The following DCC variants were observed in gnomAD, a reference collection of about 807,000 sequenced individuals.
DCC encodes netrin receptor DCC.
A neutral mutation model predicts 172.5 loss-of-function variants in DCC; 58 were observed. The observed-to-expected ratio is 0.34, with a 90% CI of 0.27 to 0.42. The LOEUF (loss-of-function observed/expected upper bound fraction) is 0.42. Ranked by LOEUF, DCC falls within the 10% of genes least tolerant of loss-of-function variation. The pLI is 1.00. For missense variants in DCC, 1,740 were observed against 1,791.0 expected, an observed-to-expected ratio of 0.97 and a Z score of 0.51; for synonymous variants, 709 against 644.5, an observed-to-expected ratio of 1.10 and a Z score of -1.52.
chr18:52,522,580 T>G (rs918008408), intron 1 of DCC, among the ~76,000 whole-genome samples: 1 of 152,216 alleles, frequency 6.6e-6, no homozygotes, highest in Non-Finnish European at 1.5e-5. Context: ...AGTATCCTAT[T>G]TTTATTTGCC....
chr18:53,489,206 G>C (rs1332814019), intron 26 of DCC, among the ~76,000 whole-genome samples: 1 of 151,990 alleles, frequency 6.6e-6, no homozygotes, highest in Non-Finnish European at 1.5e-5. Flanking sequence ...AAATGAAAAG[G>C]CATTGGATGT....
At chr18:53,381,321 A>G (rs1012577054) in intron 15 of DCC, among the ~76,000 whole-genome samples, 1 of 152,052 alleles carries the variant, frequency 6.6e-6, no homozygotes, top group African/African-American at 2.4e-5. Context: ...TTTTCTATGG[A>G]GCTATAAATT....
At chr18:52,888,010 G>C (rs1332661918) in intron 2 of DCC, among the ~76,000 whole-genome samples, 1 of 152,152 alleles carries the variant, frequency 6.6e-6, no homozygotes. Context: ...AGTAAAATTA[G>C]CCTTTATCAC....
At chr18:52,840,689 A>C (rs2038788431) in intron 2 of DCC, among the ~76,000 whole-genome samples, 1 of 152,188 alleles carries the variant, frequency 6.6e-6, no homozygotes, top group Non-Finnish European at 1.5e-5. Context: ...AATGACTAAA[A>C]ATCTGGCTAT....
intron 27 of DCC, among the ~76,000 whole-genome samples, chr18:53,512,103 A>G (rs1012196993): frequency 6.6e-6 from 1 of 152,122 alleles, no homozygotes; most frequent in African/African-American, 2.4e-5. Context: ...CCCAGCACGC[A>G]GCTGGAGATC....
chr18:52,625,433 A>G (rs146836715), intron 1 of DCC, among the ~76,000 whole-genome samples: 3 of 152,294 alleles, frequency 2.0e-5, no homozygotes, highest in Non-Finnish European at 4.4e-5. Context: ...TTCTGTTACA[A>G]GGAGACATGT....
chr18:53,120,996 G>C (rs149212127), intron 7 of DCC, among the ~76,000 whole-genome samples: 1 of 151,880 alleles, frequency 6.6e-6, no homozygotes, highest in East Asian at 1.9e-4. Context: ...AAGAATTAAG[G>C]GGGAAAATAC....
chr18:52,773,400 T>G (rs1383578922), intron 2 of DCC, among the ~76,000 whole-genome samples: 2 of 152,236 alleles, frequency 1.3e-5, no homozygotes, highest in African/African-American at 2.4e-5. Flanking sequence ...TTCAAGATGA[T>G]GTATTCACCA....
chr18:53,101,310 T>C (rs9950661), intron 7 of DCC, among the ~76,000 whole-genome samples: 78,438 of 151,676 alleles, frequency 0.52, 20,896 homozygotes, highest in African/African-American at 0.59. Context: ...AAAGTTGTGA[T>C]GTTAGCAAGT....
intron 1 of DCC, among the ~76,000 whole-genome samples, chr18:52,515,018 C>G (rs1187793511): frequency 6.6e-6 from 1 of 152,140 alleles, no homozygotes; most frequent in Non-Finnish European, 1.5e-5. Context: ...TAAATAAAAA[C>G]TACAGTTCAA....
chr18:52,408,127 CA>C (rs1026312969), intron 1 of DCC, among the ~76,000 whole-genome samples: 5 of 151,968 alleles, frequency 3.3e-5, no homozygotes, highest in Admixed American at 6.6e-5. Context: ...ATGAAAAGTC[CA>C]AAAACTTCTT....
intron 5 of DCC, among the ~76,000 whole-genome samples, chr18:53,010,166 A>G (rs1011757716): frequency 3.9e-5 from 6 of 151,906 alleles, no homozygotes; most frequent in African/African-American, 1.2e-4. Flanking sequence ...GTTTGTGTAA[A>G]TCTTCTGAAG....
At chr18:52,878,707 A>G (rs1181613421) in intron 2 of DCC, among the ~76,000 whole-genome samples, 1 of 152,194 alleles carries the variant, frequency 6.6e-6, no homozygotes, top group Non-Finnish European at 1.5e-5. Context: ...TATAATTTTT[A>G]CTAGGACGGG....
At chr18:53,289,253 G>A (rs1302323460) in intron 12 of DCC, among the ~76,000 whole-genome samples, 2 of 152,052 alleles carry the variant, frequency 1.3e-5, no homozygotes, top group Non-Finnish European at 2.9e-5. Context: ...CTATACCATC[G>A]TAACTGAAAA....
At chr18:53,085,751 T>C (rs936740573) in intron 7 of DCC, among the ~76,000 whole-genome samples, 1 of 151,866 alleles carries the variant, frequency 6.6e-6, no homozygotes, top group African/African-American at 2.4e-5. Context: ...AACTACACTT[T>C]TGTGATGCTG....
chr18:53,372,392 G>A (rs993514578), intron 15 of DCC, among the ~76,000 whole-genome samples: 3 of 152,036 alleles, frequency 2.0e-5, no homozygotes, highest in African/African-American at 7.2e-5. Context: ...TCACTTATAA[G>A]TGTTTGCTAA....
At chr18:52,815,035 A>G (rs1166162223) in intron 2 of DCC, among the ~76,000 whole-genome samples, 13 of 152,210 alleles carry the variant, frequency 8.5e-5, no homozygotes, top group African/African-American at 2.9e-4. Context: ...AAAGTGGGCA[A>G]CAAGAAAAAA....
chr18:53,232,807 C>T (rs1033320180), intron 12 of DCC, among the ~76,000 whole-genome samples: 1 of 152,152 alleles, frequency 6.6e-6, no homozygotes, highest in Non-Finnish European at 1.5e-5. Context: ...GCGACTTTCA[C>T]TAAAAACCTT....
intron 14 of DCC, among the ~76,000 whole-genome samples, chr18:53,327,911 G>A (rs1274765821): frequency 6.6e-6 from 1 of 152,148 alleles, no homozygotes; most frequent in East Asian, 1.9e-4. Context: ...TATGATTTAT[G>A]ATAATTGACA....
Sources: gnomAD v4.1 joint callset for allele counts (sites outside exome capture counted in the v4.1 genomes callset) on GRCh38, gnomAD v4.1.1 for gene constraint, MANE v1.5 for transcripts, NCBI Gene and HGNC (gene_info 2026-07-23, HGNC 2026-07-21) for gene names.